Variants in KAZN observed in about 807,000 individuals in gnomAD.
KAZN encodes the protein kazrin.
In KAZN, 40 loss-of-function variants were observed where a neutral mutation model predicts 87.4. The ratio of observed to expected loss-of-function variants is 0.46; its 90% CI spans 0.36 to 0.60. The LOEUF is 0.60. Among genes scored for constraint, KAZN ranks in the 20% least tolerant of loss-of-function variants. The pLI is 0.00. For synonymous variants in KAZN, 466 were observed against 458.3 expected, an observed-to-expected ratio of 1.02 and a Z score of -0.22; for missense variants, 898 against 1,073.9, an observed-to-expected ratio of 0.84 and a Z score of 2.29.
At chr1:14,086,962 G>A (rs917766198) in intron 1 of KAZN, among the ~76,000 whole-genome samples, 3 of 152,100 alleles carry the variant, frequency 2.0e-5, no homozygotes, top group Admixed American at 6.5e-5. Flanking sequence ...TCAAATAATT[G>A]TAAGGCCTCC....
At chr1:13,923,382 G>A (rs183748061) in intron 1 of KAZN, among the ~76,000 whole-genome samples, 7 of 152,050 alleles carry the variant, frequency 4.6e-5, no homozygotes, top group African/African-American at 1.7e-4. Context: ...GACCATCCTG[G>A]CTAACATGGT....
At chr1:14,224,360 T>C (rs1471528311) in intron 2 of KAZN, among the ~76,000 whole-genome samples, 2 of 152,060 alleles carry the variant, frequency 1.3e-5, no homozygotes, top group Admixed American at 1.3e-4. Flanking sequence ...ATTTTAAAGG[T>C]TGTACCGAAG....
chr1:15,074,012 C>T (rs902014790), intron 8 of KAZN, among the ~76,000 whole-genome samples: 13 of 152,242 alleles, frequency 8.5e-5, no homozygotes, highest in Non-Finnish European at 1.5e-4. Context: ...CCCAGCCCAG[C>T]GCCTTCAGGG....
intron 1 of KAZN, among the ~76,000 whole-genome samples, chr1:14,083,026 A>G (rs568721549): frequency 1.3e-5 from 2 of 152,328 alleles, no homozygotes; most frequent in South Asian, 2.1e-4. Context: ...CCCAGTCTCT[A>G]CTAAAAATAC....
intron 1 of KAZN, among the ~76,000 whole-genome samples, chr1:14,796,740 C>T (rs577602039): frequency 5.3e-5 from 8 of 152,220 alleles, no homozygotes; most frequent in South Asian, 2.1e-4. Flanking sequence ...CGAGAGTCCT[C>T]GCCCCCATCA....
intron 1 of KAZN, among the ~76,000 whole-genome samples, chr1:13,936,635 C>T (rs1457603507): frequency 2.6e-5 from 4 of 152,146 alleles, no homozygotes; most frequent in Admixed American, 2.0e-4. Flanking sequence ...ATTTGACTTT[C>T]TGTTTCTGAA....
At chr1:14,619,736 G>C (rs900838485) in intron 1 of KAZN, among the ~76,000 whole-genome samples, 2 of 152,108 alleles carry the variant, frequency 1.3e-5, no homozygotes, top group African/African-American at 2.4e-5. Flanking sequence ...TCTGCTTTCT[G>C]TATCTGTGGA....
intron 2 of KAZN, among the ~76,000 whole-genome samples, chr1:14,558,646 G>A (rs555953108): frequency 2.2e-4 from 33 of 152,260 alleles, no homozygotes; most frequent in South Asian, 1.5e-3. Flanking sequence ...AGAGTATCAG[G>A]TATATACAGT....
In KAZN at chr1:14,820,982, T is replaced by G. The variant is rs1646722492; in HGVS notation, c.227-139702T>G. On this transcript the variant is annotated intron_variant, in intron 1 of 14. Coordinates refer to ENST00000376030, the MANE Select transcript of KAZN (RefSeq NM_201628.3). The surrounding 1 kb of genome is among the most constrained non-coding windows in gnomAD (Gnocchi z 4.1). ...CCGTGGTCTGTTCTGTGATGGATTG[T>G]CGGGAGAAACGGGAGCGTGTGAGGA... Among the ~76,000 whole-genome samples, 1 of 152,074 alleles carries G rather than the reference T, an allele frequency of 6.6e-6. No homozygotes were observed. The highest frequency in any genetic ancestry group is 2.1e-4 in the South Asian group (1 of 4,824).
intron 1 of KAZN, among the ~76,000 whole-genome samples, chr1:13,968,630 C>T (rs553454079): frequency 6.6e-5 from 10 of 152,320 alleles, no homozygotes; most frequent in South Asian, 2.1e-4. Context: ...CTTTGTTTTA[C>T]GAAATTCCAT....
chr1:14,584,625 T>A (rs138328966), intron 2 of KAZN, among the ~76,000 whole-genome samples: 1 of 150,936 alleles, frequency 6.6e-6, no homozygotes, highest in African/African-American at 2.4e-5. Context: ...AGTACCTCAG[T>A]GTGCAATTGC....
At chr1:14,509,463 A>T (rs2148442404) in intron 2 of KAZN, among the ~76,000 whole-genome samples, 1 of 152,304 alleles carries the variant, frequency 6.6e-6, no homozygotes, top group East Asian at 1.9e-4. Flanking sequence ...AAATGGGTGA[A>T]ACTGCCATGG....
chr1:14,631,348 T>A (rs1228371486), intron 1 of KAZN, among the ~76,000 whole-genome samples: 1 of 152,150 alleles, frequency 6.6e-6, no homozygotes, highest in Non-Finnish European at 1.5e-5. Flanking sequence ...CCTTGGACAT[T>A]TTAGTTACAT....
intron 1 of KAZN, among the ~76,000 whole-genome samples, chr1:14,087,380 A>G (rs1643881170): frequency 6.6e-6 from 1 of 152,188 alleles, no homozygotes; most frequent in African/African-American, 2.4e-5. Context: ...AATTTTCTAC[A>G]AAGGTAATCA....
chr1:14,526,200 C>T (rs982693033), intron 2 of KAZN, among the ~76,000 whole-genome samples: 3 of 152,190 alleles, frequency 2.0e-5, no homozygotes, highest in African/African-American at 7.2e-5. Context: ...GGGAATTCTC[C>T]TAAGTAGGTA....
intron 1 of KAZN, among the ~76,000 whole-genome samples, chr1:14,855,340 A>T (rs192491453): frequency 1.3e-5 from 2 of 152,134 alleles, no homozygotes; most frequent in South Asian, 4.1e-4. Context: ...GTGAATTTGC[A>T]CCCTGCATGA....
At chr1:14,030,956 A>G (rs911019637) in intron 1 of KAZN, among the ~76,000 whole-genome samples, 1 of 152,186 alleles carries the variant, frequency 6.6e-6, no homozygotes, top group Non-Finnish European at 1.5e-5. Flanking sequence ...ATGAATATTT[A>G]TTTTAAGGTC....
chr1:14,280,472 C>T (rs1652767953), intron 2 of KAZN, among the ~76,000 whole-genome samples: 1 of 149,852 alleles, frequency 6.7e-6, no homozygotes, highest in African/African-American at 2.5e-5. Flanking sequence ...TGGACTCAGA[C>T]AGGCACACAA....
chr1:14,915,673 G>T (rs865918225), intron 1 of KAZN, among the ~76,000 whole-genome samples: 1 of 152,180 alleles, frequency 6.6e-6, no homozygotes, highest in African/African-American at 2.4e-5. Flanking sequence ...CCCTGATGTG[G>T]GAGGCAGTTT....
Sources: allele counts gnomAD v4.1 joint callset (sites outside exome capture counted in the v4.1 genomes callset), GRCh38; gene constraint gnomAD v4.1.1; non-coding constraint Gnocchi (gnomAD v3.1); transcripts MANE v1.5; gene names NCBI Gene and HGNC (gene_info 2026-07-23, HGNC 2026-07-21).